The following LEKR1 variants were observed in gnomAD, a reference collection of about 807,000 sequenced individuals.
LEKR1 encodes protein LEKR1.
In LEKR1, 59 loss-of-function variants were observed where a neutral mutation model predicts 72.4. That is an observed-to-expected ratio of 0.82 (90% CI 0.66 to 1.01). The LOEUF is 1.01. Ranked by LOEUF, LEKR1 falls within the 50% of genes least tolerant of loss-of-function variation. The pLI is 0.00. For missense variants in LEKR1, 728 were observed against 759.2 expected (o/e 0.96, Z 0.48); for synonymous variants, 257 against 263.2 (o/e 0.98, Z 0.23).
At chr3:157,034,376 TA>T (rs1459755568) in intron 12 of LEKR1, among the ~76,000 whole-genome samples, 2 of 152,136 alleles carry the variant, frequency 1.3e-5, no homozygotes, top group Non-Finnish European at 2.9e-5. Flanking sequence ...AAAATATCAA[TA>T]ATTACAAAAG....
intron 12 of LEKR1, among the ~76,000 whole-genome samples, chr3:157,044,652 G>A (rs1735619450): frequency 6.6e-6 from 1 of 152,168 alleles, no homozygotes; most frequent in African/African-American, 2.4e-5. Flanking sequence ...CTTCTTGAGG[G>A]CAGGGACTGT....
chr3:156,989,062 CT>C (rs1730944128), intron 7 of LEKR1, among the ~76,000 whole-genome samples: 1 of 152,124 alleles, frequency 6.6e-6, no homozygotes, highest in African/African-American at 2.4e-5. Context: ...TGAACTCTGA[CT>C]TCATGATCCA....
chr3:157,010,679 A>G (rs12491708), intron 9 of LEKR1, among the ~76,000 whole-genome samples: 3,475 of 152,172 alleles, frequency 0.023, 90 homozygotes, highest in East Asian at 0.1. Flanking sequence ...CCTGATCAAT[A>G]AGCATACTTT....
At chr3:156,887,306 TGGTG>T (rs1720205697) in intron 3 of LEKR1, among the ~76,000 whole-genome samples, 1 of 152,122 alleles carries the variant, frequency 6.6e-6, no homozygotes, top group African/African-American at 2.4e-5. Flanking sequence ...TCTGCCTTCT[TGGTG>T]GGCCCTTGAG....
intron 5 of LEKR1, among the ~76,000 whole-genome samples, chr3:156,928,390 G>C (rs1442458742): frequency 6.6e-6 from 1 of 152,020 alleles, no homozygotes; most frequent in Non-Finnish European, 1.5e-5. Flanking sequence ...TGTGGAGAGA[G>C]GGGGATATGG....
intron 7 of LEKR1, among the ~76,000 whole-genome samples, chr3:156,990,019 A>AT (rs1479408043): frequency 6.6e-6 from 1 of 152,060 alleles, no homozygotes; most frequent in Non-Finnish European, 1.5e-5. Context: ...CTTTTATAAC[A>AT]TTTTCTCTTC....
In LEKR1 at chr3:156,927,559, G is replaced by A; in HGVS notation, c.514G>A (p.Ala172Thr). 8.1e-7 allele frequency: 1 copy of A among 1,240,360 alleles called. No individual in the cohort carries two copies. The highest frequency in any genetic ancestry group is 1.4e-5 in the South Asian group (1 of 70,440). The allele number at this position is 1,240,360 out of a possible 1,614,324, so 76.8% of individuals were successfully genotyped here. A position where few individuals can be genotyped will look rare whatever the true frequency, so the allele number is the denominator to read the frequency against. Residue 172 changes from alanine to threonine, a missense_variant, in exon 5 of 13, where the codon GCA becomes ACA. Coordinates refer to ENST00000356539, the MANE Select transcript of LEKR1 (RefSeq NM_001004316.3). ...NYQNWTSLKG[A>T]VFLQIKSISE... Reference sequence around the variant, plus strand: ...CCAAAACTGGACTTCATTGAAAGGAGCAGTTTTTCTACAAATTAAATCTAT... The same window carrying A: ...CCAAAACTGGACTTCATTGAAAGGAACAGTTTTTCTACAAATTAAATCTAT...
Position 157,028,320 on chromosome 3 carries a change from T to A in LEKR1, c.1586T>A (p.Met529Lys), listed in dbSNP as rs991114459. Residue 529 changes from methionine to lysine, a missense_variant, in exon 12 of 13, where the codon ATG (methionine) becomes AAG (lysine). Physicochemically the swap from Met to Lys is moderately conservative, Grantham distance 95. Transcript: ENST00000356539. ...GTTTCAGAAAACTTGAGGAAGGAAA[T>A]GGAACAGAAGTCGGATGAACTGAAA... The part of the protein sequence containing the change: ...DSVSENLRKE[M>K]EQKSDELKRV... The A allele has an allele frequency of 6.8e-6, 11 of 1,613,394 alleles. No homozygotes were observed. Among genetic ancestry groups the A allele is most frequent in the Non-Finnish European group, 9.3e-6 (11 of 1,179,684 alleles).
chr3:156,983,712 C>G (rs889277540), intron 7 of LEKR1, among the ~76,000 whole-genome samples: 2 of 152,132 alleles, frequency 1.3e-5, no homozygotes, highest in African/African-American at 4.8e-5. Context: ...AGTCAAACAG[C>G]CTGGCAGCTA....
At chr3:157,007,797 A>C (rs568074174) in intron 9 of LEKR1, among the ~76,000 whole-genome samples, 1 of 152,358 alleles carries the variant, frequency 6.6e-6, no homozygotes, top group East Asian at 1.9e-4. Flanking sequence ...TCCAAGAAAA[A>C]TAAACTTTGA....
At position 156,876,588 on chromosome 3, in the gene LEKR1, A is replaced by G. The variant is rs546898891; in HGVS notation, c.263+23606A>G. 2.0e-5 allele frequency among the ~76,000 whole-genome samples: 3 copies of G among 152,206 alleles called. No individual in the cohort carries two copies. In the South Asian group the frequency reaches 6.2e-4, roughly 32 times the overall value. On this transcript the variant is annotated intron_variant, in intron 3 of 12. Coordinates refer to ENST00000356539, the MANE Select transcript of LEKR1 (RefSeq NM_001004316.3). Reference sequence around the variant, plus strand: ...TATTATATTCTTTTGTGGCTGTTGTAAAAGGGATAGAGTTCTTTATTTGAT... The same window carrying G: ...TATTATATTCTTTTGTGGCTGTTGTGAAAGGGATAGAGTTCTTTATTTGAT...
intron 5 of LEKR1, among the ~76,000 whole-genome samples, chr3:156,935,371 T>C (rs1725597022): frequency 6.6e-6 from 1 of 152,164 alleles, no homozygotes. Flanking sequence ...TTAAAAAACT[T>C]TCTTTTTAGT....
intron 5 of LEKR1, 91 bp from the exon 6 acceptor site, chr3:156,942,438 A>G: frequency 2.6e-6 from 1 of 389,260 alleles, no homozygotes; most frequent in Non-Finnish European, 4.3e-6. Flanking sequence ...CCTTTCAACT[A>G]TTAATTTTCT....
At chr3:156,972,430 A>T (rs1729296059) in intron 6 of LEKR1, among the ~76,000 whole-genome samples, 1 of 152,166 alleles carries the variant, frequency 6.6e-6, no homozygotes, top group African/African-American at 2.4e-5. Flanking sequence ...CCAACATGGC[A>T]CATGTATACA....
chr3:156,931,602 A>T (rs1014604206), intron 5 of LEKR1, among the ~76,000 whole-genome samples: 2 of 152,184 alleles, frequency 1.3e-5, no homozygotes, highest in African/African-American at 4.8e-5. Context: ...CAAAAAACTC[A>T]GGAGTACATC....
intron 6 of LEKR1, among the ~76,000 whole-genome samples, chr3:156,967,567 T>C (rs1276601238): frequency 2.6e-5 from 4 of 151,702 alleles, no homozygotes; most frequent in Non-Finnish European, 1.5e-5. Flanking sequence ...AGAAGAGAAG[T>C]TTAGAGAAAA....
chr3:156,830,347 C>T (rs1167450830), intron 2 of LEKR1, among the ~76,000 whole-genome samples: 1 of 152,150 alleles, frequency 6.6e-6, no homozygotes, highest in African/African-American at 2.4e-5. Context: ...ACAAAGGACA[C>T]ATTTAGCATG....
intron 2 of LEKR1, among the ~76,000 whole-genome samples, chr3:156,845,775 A>C (rs1342202248): frequency 6.6e-6 from 1 of 151,978 alleles, no homozygotes; most frequent in Non-Finnish European, 1.5e-5. Flanking sequence ...CCCCCACTTT[A>C]TTCTTCTTTT....
At chr3:156,864,783 TC>T (rs1305337942) in intron 3 of LEKR1, among the ~76,000 whole-genome samples, 1 of 152,076 alleles carries the variant, frequency 6.6e-6, no homozygotes, top group Non-Finnish European at 1.5e-5. Context: ...TTATTTCATA[TC>T]ATATTCTCAT....
Sources: gnomAD v4.1 joint callset for allele counts (sites outside exome capture counted in the v4.1 genomes callset) on GRCh38, gnomAD v4.1.1 for gene constraint, MANE v1.5 for transcripts, NCBI Gene and HGNC (gene_info 2026-07-23, HGNC 2026-07-21) for gene names.